The following COX11 variants were observed in gnomAD, a reference collection of about 807,000 sequenced individuals.
COX11 encodes the protein cytochrome c oxidase copper chaperone COX11.
In COX11, 18 loss-of-function variants were observed where a neutral mutation model predicts 29.4. That is an observed-to-expected ratio of 0.61 (90% confidence interval 0.42 to 0.91). The LOEUF is 0.91. Among genes scored for constraint, COX11 ranks in the 40% least tolerant of loss-of-function variants. The pLI is 0.00. For synonymous variants in COX11, 131 were observed against 124.0 expected, an observed-to-expected ratio of 1.06 and a Z score of -0.38; for missense variants, 312 against 346.0, an observed-to-expected ratio of 0.90 and a Z score of 0.78.
exon 1 of COX11, chr17:54,954,460 AAAG>A (rs2049390883): frequency 6.6e-6 from 1 of 152,264 alleles, no homozygotes; most frequent in African/African-American, 2.4e-5. Context: ...GCTCCCTGGC[AAAG>A]AAGAGTGCAA....
Position 54,968,455 on chromosome 17 carries a change from C to T in COX11, c.192G>A (p.Arg64=), listed in dbSNP as rs762553883. The part of the protein sequence containing the change: ...GTWKRCSLRA[R]HPALQPPRRP... ...GCCGCGGCGGCTGCAATGCTGGATG[C>T]CGGGCTCGAAGGCTGCAGCGCTTCC... The change falls in exon 1 of 4, where the codon CGG becomes CGA. Residue 64 remains arginine (R), a synonymous_variant. Coordinates refer to ENST00000299335, the MANE Select transcript of COX11 (RefSeq NM_004375.5). 2 of 1,613,466 alleles carry T rather than the reference C, an allele frequency of 1.2e-6. No individual in the cohort carries two copies. The highest frequency in any genetic ancestry group is 2.2e-5 in the South Asian group (2 of 91,082).
At chr17:54,967,262 G>A (rs1257947203) in intron 1 of COX11, among the ~76,000 whole-genome samples, 1 of 152,144 alleles carries the variant, frequency 6.6e-6, no homozygotes, top group Non-Finnish European at 1.5e-5. Context: ...TCCCAATGTT[G>A]CTGTACAATG....
At chr17:54,960,003 C>G (rs1376172174), downstream of COX11, among the ~76,000 whole-genome samples, 1 of 152,084 alleles carries the variant, frequency 6.6e-6, no homozygotes, top group Non-Finnish European at 1.5e-5. Context: ...AGTCATATTT[C>G]TCATTTCAAT....
rs201010092 is a variant in COX11 at position 54,962,892 on chromosome 17, C to A, written c.672G>T (p.Arg224Ser). 1.2e-6 allele frequency: 2 copies of A among 1,610,194 alleles called. No individual in the cohort carries two copies. The highest frequency in any genetic ancestry group is 2.2e-5 in the South Asian group (2 of 89,786). ...TATCTACTTCCTCTTGGGGATTAAG[C>A]CTTTGTTCTTCAAAACAGAAGCACT... ...KIQCFCFEEQRLNPQEEVDMP... is the reference protein window; with the variant it reads ...KIQCFCFEEQSLNPQEEVDMP... Residue 224 changes from arginine (R) to serine (S), a missense_variant, in exon 4 of 4, where the codon AGG becomes AGT. Arg to Ser is a moderately radical substitution (Grantham distance 110, BLOSUM62 -1). This residue lies in a region of COX11 where 182 missense variants were observed against 240.0 expected (regional missense o/e 0.76). Coordinates refer to ENST00000299335, the MANE Select transcript of COX11 (RefSeq NM_004375.5).
At position 54,961,504 on chromosome 17, in the gene COX11, C is replaced by G; in HGVS notation, c.*1229G>C. On this transcript the variant is annotated 3_prime_UTR_variant, in exon 4 of 4. Coordinates refer to ENST00000299335, the MANE Select transcript of COX11 (RefSeq NM_004375.5). The stretch of plus-strand genomic sequence containing the variant: ...AAAAATTACTTAGTCCTTAGGCCAA[C>G]CAATTTAACTGCAGTGTCATGTTTC... The G allele has an allele frequency of 7.1e-7, 1 of 1,416,226 alleles. No homozygotes were observed. The highest frequency in any genetic ancestry group is 1.4e-5 in the African/African-American group (1 of 69,284). The allele number at this position is 1,416,226 out of a possible 1,614,324, so 87.7% of individuals were successfully genotyped here.
upstream of COX11, chr17:54,968,704 G>T (rs1008996967): frequency 6.5e-7 from 1 of 1,548,554 alleles, no homozygotes; most frequent in Admixed American, 1.9e-5. Flanking sequence ...ATCTCGCGAG[G>T]CGTGCTCCGT....
chr17:54,967,418 T>C (rs1448575960), intron 1 of COX11, among the ~76,000 whole-genome samples: 2 of 152,178 alleles, frequency 1.3e-5, no homozygotes, highest in South Asian at 2.1e-4. Flanking sequence ...TTAAGCTCCA[T>C]AGGTGATCCT....
At chr17:54,967,042 GCACA>G (rs71159276) in intron 1 of COX11, among the ~76,000 whole-genome samples, 5,989 of 95,996 alleles carry the variant, frequency 0.062, 128 homozygotes, top group African/African-American at 0.076. Context: ...GCGCGCGCGC[GCACA>G]CACACACACA....
At chr17:54,956,819 A>T (rs2049531188), downstream of COX11, 4 of 151,818 alleles carry the variant, frequency 2.6e-5, no homozygotes, top group Admixed American at 2.6e-4. Flanking sequence ...CAAAGCAGGA[A>T]AGTGACAGGA....
Position 54,960,512 on chromosome 17 carries a change from A to G in COX11, c.*2221T>C. 1 of 1,464,458 alleles carries G rather than the reference A, an allele frequency of 6.8e-7. No individual in the cohort carries two copies. The highest frequency in any genetic ancestry group is 9.6e-7 in the Non-Finnish European group (1 of 1,045,444). The allele number at this position is 1,464,458 out of a possible 1,614,324, so 90.7% of individuals were successfully genotyped here. On this transcript the variant is annotated 3_prime_UTR_variant, in exon 4 of 4. Transcript: ENST00000299335. ...TACAGTGCTGGCAGTTAAAAACCAA[A>G]ATAGCACTTTGAAATTGATACATAA... is the stretch of plus-strand genomic sequence containing the variant.
downstream of COX11, chr17:54,959,122 A>C (rs1407560310): frequency 6.6e-6 from 1 of 152,216 alleles, no homozygotes; most frequent in East Asian, 1.9e-4. Context: ...AATCGTTTTG[A>C]GGGAGATGAG....
intron 1 of COX11, among the ~76,000 whole-genome samples, chr17:54,965,143 T>C (rs539835011): frequency 2.0e-5 from 3 of 152,364 alleles, no homozygotes; most frequent in East Asian, 3.9e-4. Context: ...TTATCACTGA[T>C]AGTCGAACTC....
intron 2 of COX11, chr17:54,964,358 A>G (rs2077183051): frequency 4.3e-6 from 1 of 232,194 alleles, no homozygotes; most frequent in East Asian, 1.4e-4. Context: ...CATGTCTTCT[A>G]TGCCTGAGGA....
intron 1 of COX11, among the ~76,000 whole-genome samples, chr17:54,966,990 C>T (rs1001820037): frequency 2.0e-5 from 3 of 151,360 alleles, no homozygotes; most frequent in African/African-American, 7.3e-5. Flanking sequence ...GCCTGAGCAA[C>T]ATAGGGAGAC....
intron 2 of COX11, 40 bp downstream of exon 2, chr17:54,964,657 A>G (rs373138050): frequency 1.3e-6 from 2 of 1,570,186 alleles, no homozygotes; most frequent in African/African-American, 2.7e-5. Flanking sequence ...AGGAATTTAC[A>G]TTAATAAAGT....
chr17:54,961,610 T>G lies in COX11; in HGVS notation c.*1123A>C, dbSNP rs1263682679. On this transcript the variant is annotated 3_prime_UTR_variant, in exon 4 of 4. Coordinates refer to ENST00000299335, the MANE Select transcript of COX11 (RefSeq NM_004375.5). ...TTACTATGAAATAATTCTGAATAGA[T>G]GAAAGCATAAAATGTGAGAAACTGA... 1 of 1,154,542 alleles carries G rather than the reference T, an allele frequency of 8.7e-7. No homozygotes were observed. The highest frequency in any genetic ancestry group is 1.6e-5 in the African/African-American group (1 of 62,074). 71.5% of individuals were successfully genotyped at this position (1,154,542 alleles called of 1,614,324 possible).
In COX11 at chr17:54,962,777, CA is replaced by C. The variant is rs778099821; in HGVS notation, c.786del (p.Phe262LeufsTer20). 1.9e-6 allele frequency: 3 copies of C among 1,612,344 alleles called. No homozygotes were observed. The highest frequency in any genetic ancestry group is 2.5e-6 in the Non-Finnish European group (3 of 1,179,162). The part of the protein sequence containing the change: ...VDLITLSYTF[F>X]EAKEGHKLPV... ...GGCAACTTGTGCCCTTCCTTTGCTTCAAAAAAAGTGTAAGAAAGAGTGATAA... is the reference window on the plus strand; with the variant it reads ...GGCAACTTGTGCCCTTCCTTTGCTTCAAAAAAGTGTAAGAAAGAGTGATAA... On this transcript the variant is annotated frameshift_variant, in exon 4 of 4. Transcript: ENST00000299335. LOFTEE classifies it high-confidence loss of function.
chr17:54,968,147 C>T, intron 1 of COX11, 134 bp downstream of exon 1: 7 of 1,389,268 alleles, frequency 5.0e-6, no homozygotes, highest in Non-Finnish European at 5.8e-6. Context: ...TGTTTTGAAC[C>T]TCTCTCCTCT....
Position 54,964,861 on chromosome 17 carries a change from A to G in COX11, c.367-9T>C. 6.2e-7 allele frequency: 1 copy of G among 1,610,720 alleles called. No individual in the cohort carries two copies. Among genetic ancestry groups the G allele is most frequent in the Non-Finnish European group, 8.5e-7 (1 of 1,179,262 alleles). On this transcript the variant is annotated splice_polypyrimidine_tract_variant and intron_variant, in intron 1 of 3. Coordinates refer to ENST00000299335, the MANE Select transcript of COX11 (RefSeq NM_004375.5). ...CCTCCAAGTCCAGTAGTCTAGAAAAAGATACCAAATATGTTAAACAATACT... is the reference window on the plus strand; with the variant it reads ...CCTCCAAGTCCAGTAGTCTAGAAAAGGATACCAAATATGTTAAACAATACT...
Sources: allele counts gnomAD v4.1 joint callset (sites outside exome capture counted in the v4.1 genomes callset), GRCh38; gene constraint gnomAD v4.1.1; regional missense constraint gnomAD v4.1.1; transcripts MANE v1.5; gene names NCBI Gene and HGNC (gene_info 2026-07-23, HGNC 2026-07-21).